GAL3ST4: variants seen among roughly 807,000 people sequenced by gnomAD.
GAL3ST4 encodes galactose-3-O-sulfotransferase 4.
A neutral mutation model predicts 31.6 loss-of-function variants in GAL3ST4; 30 were observed. The ratio of observed to expected loss-of-function variants is 0.95; its 90% CI spans 0.71 to 1.29. The LOEUF (loss-of-function observed/expected upper bound fraction) is 1.29. Among genes scored for constraint, GAL3ST4 ranks in the 50% most tolerant of loss-of-function variants. The probability of loss-of-function intolerance (pLI) is 0.00; values close to 1 mark genes in which losing one functional copy is unlikely to be tolerated. For missense variants in GAL3ST4, 629 were observed against 625.2 expected, an observed-to-expected ratio of 1.01 and a Z score of -0.06; for synonymous variants, 248 against 256.9, an observed-to-expected ratio of 0.97 and a Z score of 0.33.
chr7:100,160,715 T>C lies in GAL3ST4; in HGVS notation c.674A>G (p.Lys225Arg), dbSNP rs759112378. ...GLPFPPEKRA[K>R]RGNIHPPRDP... is the part of the protein sequence containing the mutation. Reference sequence around the variant, plus strand: ...TCTGGGGGGATGAATATTCCCTCTCTTGGCCCTCTTCTCTGGGGGAAAGGG... The same window carrying C: ...TCTGGGGGGATGAATATTCCCTCTCCTGGCCCTCTTCTCTGGGGGAAAGGG... Residue 225 changes from lysine to arginine, a missense_variant, in exon 4 of 4, where the codon AAG becomes AGG. Transcript: ENST00000360039. 1.2e-6 allele frequency: 2 copies of C among 1,614,032 alleles called. No individual in the cohort carries two copies. Among genetic ancestry groups the C allele is most frequent in the Non-Finnish European group, 1.7e-6 (2 of 1,179,986 alleles).
At chr7:100,161,391 G>A (rs1263829986) in intron 3 of GAL3ST4, among the ~76,000 whole-genome samples, 1 of 152,148 alleles carries the variant, frequency 6.6e-6, no homozygotes, top group East Asian at 1.9e-4. Context: ...GCTCAAGCCT[G>A]TAATCCCAGC....
rs563951590 is a variant in GAL3ST4 at position 100,165,169 on chromosome 7, C to T, written c.429+1333G>A. 9.3e-5 allele frequency among the ~76,000 whole-genome samples: 14 copies of T among 151,308 alleles called. No homozygotes were observed. In the East Asian group the frequency reaches 9.8e-4, roughly 11 times the overall value. ...GATTACAGGCGTGAGCCACTGCGCC[C>T]GGCCTTTTTTTTCTTTTGTGAAATG... On this transcript the variant is annotated intron_variant, in intron 3 of 3. Coordinates refer to ENST00000360039, the MANE Select transcript of GAL3ST4 (RefSeq NM_024637.5).
At position 100,168,005 on chromosome 7, in the gene GAL3ST4, GACACACAC is replaced by G. The variant is rs57521505; in HGVS notation, c.-189+533_-189+540del. 3 of 145,614 alleles carry G rather than the reference GACACACAC, an allele frequency of 2.1e-5. No individual in the cohort carries two copies. Among genetic ancestry groups the G allele is most frequent in the African/African-American group, 5.2e-5 (2 of 38,538 alleles). 9.0% of individuals were successfully genotyped at this position (145,614 alleles called of 1,614,324 possible). On this transcript the variant is annotated intron_variant, in intron 1 of 3. Transcript: ENST00000360039. This position sits in a 1 kb window ranked among gnomAD's most constrained non-coding sequence, Gnocchi z 4.1. Reference sequence around the variant, plus strand: ...GGAGAGGGAGACAGAAAGAGAGAGAGACACACACACACACACACACACACACAGAGAAA... The same window carrying G: ...GGAGAGGGAGACAGAAAGAGAGAGAGACACACACACACACACACAGAGAAA...
Position 100,160,035 on chromosome 7 carries a change from C to T in GAL3ST4, c.1354G>A (p.Glu452Lys). The change falls in exon 4 of 4, where the codon GAG (glutamate) becomes AAG (lysine). Residue 452 changes from glutamate to lysine, a missense_variant. Glu to Lys is a moderately conservative substitution (Grantham distance 56, BLOSUM62 1). Transcript: ENST00000360039. ...TGGAGCTCAGGGGTAGCTAGGCGCT[C>T]ACATTCCTCTTGGTCTTGGGGGCTC... ...GLSPQDQEEC[E>K]RLATPELQYK... 1.2e-6 allele frequency: 2 copies of T among 1,614,076 alleles called. No homozygotes were observed. Among genetic ancestry groups the T allele is most frequent in the African/African-American group, 1.3e-5 (1 of 75,006 alleles).
At chr7:100,166,001 A>G (rs529878666) in intron 3 of GAL3ST4, among the ~76,000 whole-genome samples, 1 of 152,180 alleles carries the variant, frequency 6.6e-6, no homozygotes, top group East Asian at 1.9e-4. Context: ...CCCCATCTCT[A>G]CAAAAAATTA....
In GAL3ST4 at chr7:100,160,228, G is replaced by T. The variant is rs1008922130; in HGVS notation, c.1161C>A (p.Gly387=). 9 of 1,613,938 alleles carry T rather than the reference G, an allele frequency of 5.6e-6. No individual in the cohort carries two copies. In the African/African-American group the frequency reaches 6.7e-5, roughly 12 times the overall value. Residue 387 remains glycine, a synonymous_variant, in exon 4 of 4, where the codon GGC becomes GGA. Coordinates refer to ENST00000360039, the MANE Select transcript of GAL3ST4 (RefSeq NM_024637.5). Reference sequence around the variant, plus strand: ...GCTCGGCCACAGCTGTCTGCAGCCGGCCCTGGCCGTATTTCTCTATCCGTG... The same window carrying T: ...GCTCGGCCACAGCTGTCTGCAGCCGTCCCTGGCCGTATTTCTCTATCCGTG... The part of the protein sequence containing the change: ...LWARIEKYGQ[G]RLQTAVAELR...
chr7:100,165,561 G>A (rs929050776), intron 3 of GAL3ST4, among the ~76,000 whole-genome samples: 3 of 152,050 alleles, frequency 2.0e-5, no homozygotes, highest in Non-Finnish European at 4.4e-5. Flanking sequence ...GGCTAAGAAA[G>A]GGAAGGGGCG....
At chr7:100,161,953 A>T (rs889377211) in intron 3 of GAL3ST4, among the ~76,000 whole-genome samples, 7 of 151,410 alleles carry the variant, frequency 4.6e-5, no homozygotes, top group Non-Finnish European at 7.4e-5. Flanking sequence ...AGCATCACAC[A>T]CTGGGGCCTG....
Position 100,160,665 on chromosome 7 carries a change from C to A in GAL3ST4, c.724G>T (p.Val242Phe), listed in dbSNP as rs780184215. The part of the protein sequence containing the change: ...PRDPNPPQLQ[V>F]LPSGAGPRAQ... ...CGAGGGCCAGCACCAGAAGGCAAGA[C>A]CTGCAGCTGTGGGGGGTTGGGGTCT... Residue 242 changes from valine to phenylalanine, a missense_variant, in exon 4 of 4, where the codon GTC (valine) becomes TTC (phenylalanine). By Grantham distance (50) the Val-to-Phe change is conservative. Transcript: ENST00000360039. The A allele has an allele frequency of 1.9e-5, 31 of 1,613,882 alleles. No individual in the cohort carries two copies. The South Asian group carries it at 3.3e-4, about 17-fold the overall frequency.
chr7:100,166,820 A>C lies in GAL3ST4; in HGVS notation c.126-15T>G, dbSNP rs776470103. 1.3e-6 allele frequency: 2 copies of C among 1,585,792 alleles called. No individual in the cohort carries two copies. The highest frequency in any genetic ancestry group is 1.3e-5 in the African/African-American group (1 of 74,484). Reference sequence around the variant, plus strand: ...GCCCAGGTAGCCTGGGAAGAGATGGAGGGGGAGTGTCCTGTTCCTCAGCAG... The same window carrying C: ...GCCCAGGTAGCCTGGGAAGAGATGGCGGGGGAGTGTCCTGTTCCTCAGCAG... On this transcript the variant is annotated splice_polypyrimidine_tract_variant and intron_variant, in intron 2 of 3. Transcript: ENST00000360039.
rs1428574694 is a variant in GAL3ST4 at position 100,160,759 on chromosome 7, T to C, written c.630A>G (p.Leu210=). The change falls in exon 4 of 4, where the codon CTA becomes CTG. Residue 210 remains leucine, a synonymous_variant. Transcript: ENST00000360039. ...ARGDHYARNL[L]WFDFGLPFPP... is the part of the protein sequence containing the mutation. ...GAAAGGGCAGGCCAAAGTCAAACCA[T>C]AGTAAGTTGCGAGCGTAGTGGTCCC... 1 of 1,613,948 alleles carries C rather than the reference T, an allele frequency of 6.2e-7. No individual in the cohort carries two copies. The highest frequency in any genetic ancestry group is 1.7e-5 in the Admixed American group (1 of 60,006).
At chr7:100,164,038 G>A (rs1003580768) in intron 3 of GAL3ST4, among the ~76,000 whole-genome samples, 1 of 152,214 alleles carries the variant, frequency 6.6e-6, no homozygotes, top group Non-Finnish European at 1.5e-5. Flanking sequence ...CTGGAACATG[G>A]TAGGTATTCA....
rs774248208 is a variant in GAL3ST4 at position 100,160,143 on chromosome 7, G to C, written c.1246C>G (p.Pro416Ala). 1.9e-6 allele frequency: 3 copies of C among 1,613,684 alleles called. No homozygotes were observed. The Admixed American group carries it at 5.0e-5, about 27-fold the overall frequency. ...AACCGGCGATCAGTGATGTATTTGG[G>C]GTCAGAAGCCTCACCCCCTACCAGA... The part of the protein sequence containing the change: ...HCLVGGEASD[P>A]KYITDRRFRP... The change falls in exon 4 of 4, where the codon CCC (proline) becomes GCC (alanine). Residue 416 changes from proline (P) to alanine (A), a missense_variant. Coordinates refer to ENST00000360039, the MANE Select transcript of GAL3ST4 (RefSeq NM_024637.5).
In GAL3ST4 at chr7:100,168,515, G is replaced by A. The variant is rs1425370645; in HGVS notation, c.-189+31C>T. The A allele has an allele frequency of 1.3e-5, 2 of 152,282 alleles. No individual in the cohort carries two copies. The highest frequency in any genetic ancestry group is 2.9e-5 in the Non-Finnish European group (2 of 68,110). 9.4% of individuals were successfully genotyped at this position (152,282 alleles called of 1,614,324 possible). A position where few individuals can be genotyped will look rare whatever the true frequency, so the allele number is the denominator to read the frequency against. On this transcript the variant is annotated intron_variant, in intron 1 of 3. Coordinates refer to ENST00000360039, the MANE Select transcript of GAL3ST4 (RefSeq NM_024637.5). The surrounding 1 kb of genome is among the most constrained non-coding windows in gnomAD (Gnocchi z 4.1). Reference sequence around the variant, plus strand: ...CCATAAATTAGAGGGTCCCTCCACTGGTCCTATCCTTGGTTTCACTTCCCA... The same window carrying A: ...CCATAAATTAGAGGGTCCCTCCACTAGTCCTATCCTTGGTTTCACTTCCCA...
Position 100,160,711 on chromosome 7 carries a change from T to G in GAL3ST4, c.678A>C (p.Arg226Ser). 6.2e-7 allele frequency: 1 copy of G among 1,613,958 alleles called. No individual in the cohort carries two copies. Residue 226 changes from arginine (R) to serine (S), a missense_variant, in exon 4 of 4, where the codon AGA (arginine) becomes AGC (serine). Transcript: ENST00000360039. ...GGTCTCTGGGGGGATGAATATTCCCTCTCTTGGCCCTCTTCTCTGGGGGAA... is the reference window on the plus strand; with the variant it reads ...GGTCTCTGGGGGGATGAATATTCCCGCTCTTGGCCCTCTTCTCTGGGGGAA... ...LPFPPEKRAK[R>S]GNIHPPRDPN...
rs753535163 is a variant in GAL3ST4 at position 100,166,748 on chromosome 7, C to G, written c.183G>C (p.Pro61=). Residue 61 remains proline, a synonymous_variant, in exon 3 of 4, where the codon CCG becomes CCC. Coordinates refer to ENST00000360039, the MANE Select transcript of GAL3ST4 (RefSeq NM_024637.5). The stretch of plus-strand genomic sequence containing the variant: ...CCAGTCGCTGCCGGGGTGGGCAGGA[C>G]GGAAGGGCTGGTCGTAGGGATGGGG... The part of the protein sequence containing the change: ...PSAPSLRPAL[P]SCPPRQRLVF... 3.7e-6 allele frequency: 6 copies of G among 1,613,664 alleles called. No individual in the cohort carries two copies. In the East Asian group the frequency reaches 1.3e-4, roughly 36 times the overall value.
intron 3 of GAL3ST4, among the ~76,000 whole-genome samples, chr7:100,165,819 T>TCA (rs61284255): frequency 0.11 from 15,348 of 136,246 alleles, 880 homozygotes; most frequent in Admixed American, 0.14. Context: ...AGACCCTGTC[T>TCA]CACACACACA....
At chr7:100,161,826 T>TA (rs1317430964) in intron 3 of GAL3ST4, among the ~76,000 whole-genome samples, 5 of 152,138 alleles carry the variant, frequency 3.3e-5, no homozygotes, top group Admixed American at 3.3e-4. Flanking sequence ...CTCAGCAAAC[T>TA]AACCTACTCC....
intron 3 of GAL3ST4, among the ~76,000 whole-genome samples, chr7:100,165,705 C>T (rs1799060397): frequency 6.6e-6 from 1 of 151,672 alleles, no homozygotes; most frequent in South Asian, 2.1e-4. Flanking sequence ...CCTGTAGTCC[C>T]AGCTAGTTGG....
Sources: allele counts gnomAD v4.1 joint callset (sites outside exome capture counted in the v4.1 genomes callset), GRCh38; gene constraint gnomAD v4.1.1; non-coding constraint Gnocchi (gnomAD v3.1); transcripts MANE v1.5; gene names NCBI Gene and HGNC (gene_info 2026-07-23, HGNC 2026-07-21).